The following GALNT10 variants were observed in gnomAD, a reference collection of about 807,000 sequenced individuals.
GALNT10 encodes the protein polypeptide N-acetylgalactosaminyltransferase 10.
In GALNT10, 41 loss-of-function variants were observed where a neutral mutation model predicts 75.0. The ratio of observed to expected loss-of-function variants is 0.55; its 90% CI spans 0.43 to 0.71. The LOEUF is 0.71. Among genes scored for constraint, GALNT10 ranks in the 30% least tolerant of loss-of-function variants. The pLI is 0.00. For synonymous variants in GALNT10, 302 were observed against 313.0 expected, an observed-to-expected ratio of 0.96 and a Z score of 0.37; for missense variants, 727 against 818.5, an observed-to-expected ratio of 0.89 and a Z score of 1.36.
rs1344011150 is a variant in GALNT10 at position 154,420,603 on chromosome 5, C to G, written c.*3631C>G. ...AATTCCTTATTGCTTTCAACGGACA[C>G]TCTTTGTGAAAAATCCAAGTAATAT... is the stretch of plus-strand genomic sequence containing the variant. On this transcript the variant is annotated 3_prime_UTR_variant, in exon 12 of 12. Coordinates refer to ENST00000297107, the MANE Select transcript of GALNT10 (RefSeq NM_198321.4). 1 of 152,252 alleles carries G rather than the reference C, an allele frequency of 6.6e-6. No homozygotes were observed. The highest frequency in any genetic ancestry group is 1.5e-5 in the Non-Finnish European group (1 of 68,058). The allele number at this position is 152,252 out of a possible 1,614,324, so 9.4% of individuals were successfully genotyped here.
At chr5:154,344,093 G>T (rs1370900196) in intron 4 of GALNT10, among the ~76,000 whole-genome samples, 1 of 152,024 alleles carries the variant, frequency 6.6e-6, no homozygotes, top group Admixed American at 6.6e-5. Context: ...TTCATCAGTG[G>T]GATGTGCATC....
chr5:154,347,230 G>T (rs1255380322), intron 4 of GALNT10: 3 of 473,362 alleles, frequency 6.3e-6, no homozygotes, highest in East Asian at 1.5e-4. Flanking sequence ...AGGTGAAACT[G>T]AGGATTAGGA....
At chr5:154,291,799 G>C (rs62381158) in intron 1 of GALNT10, among the ~76,000 whole-genome samples, 11,179 of 152,122 alleles carry the variant, frequency 0.073, 436 homozygotes, top group Middle Eastern at 0.1. Flanking sequence ...GAATATCCCA[G>C]CATGTTTCAA....
intron 3 of GALNT10, among the ~76,000 whole-genome samples, chr5:154,328,345 A>G (rs2113116113): frequency 1.3e-5 from 2 of 152,254 alleles, no homozygotes; most frequent in South Asian, 4.1e-4. Context: ...GCTGGTGGAG[A>G]CTAGAGCCCA....
intron 3 of GALNT10, among the ~76,000 whole-genome samples, chr5:154,320,248 T>C (rs1412614752): frequency 6.6e-6 from 1 of 152,234 alleles, no homozygotes; most frequent in African/African-American, 2.4e-5. Flanking sequence ...CTGAGCCTTT[T>C]ATTTGAGTTC....
chr5:154,414,093 C>A (rs1334113971), intron 10 of GALNT10, among the ~76,000 whole-genome samples: 1 of 151,970 alleles, frequency 6.6e-6, no homozygotes, highest in Non-Finnish European at 1.5e-5. Flanking sequence ...CAAGGAAATT[C>A]CAGCACACAC....
chr5:154,284,831 TGTG>T (rs929987998), intron 1 of GALNT10, among the ~76,000 whole-genome samples: 4 of 152,238 alleles, frequency 2.6e-5, no homozygotes, highest in African/African-American at 9.6e-5. Flanking sequence ...ATTACACTCA[TGTG>T]GTGGTTGGCA....
rs1756493313 is a variant in GALNT10 at position 154,415,824 on chromosome 5, C to T, written c.1545C>T (p.Asp515=). ...FTWREDIRPG[D]PQHTKKFCFD... ...GGAGAGAGGACATCCGGCCTGGAGA[C>T]CCCCAGCACACCAAGAAGTTCTGCT... Residue 515 remains aspartate, a synonymous_variant, in exon 11 of 12, where the codon GAC becomes GAT. Coordinates refer to ENST00000297107, the MANE Select transcript of GALNT10 (RefSeq NM_198321.4). 6.2e-7 allele frequency: 1 copy of T among 1,614,046 alleles called. No homozygotes were observed.
chr5:154,204,929 A>G (rs1775083673), intron 1 of GALNT10, among the ~76,000 whole-genome samples: 1 of 152,204 alleles, frequency 6.6e-6, no homozygotes, highest in Non-Finnish European at 1.5e-5. Flanking sequence ...GCTGTACCTT[A>G]TAGTGCTGGC....
chr5:154,195,234 A>G (rs1426925597), intron 1 of GALNT10, among the ~76,000 whole-genome samples: 10 of 152,238 alleles, frequency 6.6e-5, no homozygotes, highest in Non-Finnish European at 1.2e-4. Flanking sequence ...CCTGGCAGCT[A>G]CAAGTAAGCC....
intron 1 of GALNT10, among the ~76,000 whole-genome samples, chr5:154,254,950 A>C (rs1008711191): frequency 6.6e-6 from 1 of 152,060 alleles, no homozygotes; most frequent in Non-Finnish European, 1.5e-5. Flanking sequence ...GAGATGTAAG[A>C]TTCCTGTAGG....
intron 7 of GALNT10, among the ~76,000 whole-genome samples, chr5:154,395,191 GATATGT>G (rs2113200287): frequency 6.6e-6 from 1 of 152,354 alleles, no homozygotes; most frequent in South Asian, 2.1e-4. Flanking sequence ...TAAATGGGAT[GATATGT>G]ATATTTGGCC....
rs200648847 is a variant in GALNT10, at chr5:154,384,454, ATTAATGAGTTCT to A, written c.939-1856_939-1845del. The stretch of plus-strand genomic sequence containing the variant: ...AACATGTAACCAACACTTTAAAATT[ATTAATGAGTTCT>A]TTCATACTCTTTTCATCCTAAGTCT... On this transcript the variant is annotated intron_variant, in intron 6 of 11. Coordinates refer to ENST00000297107, the MANE Select transcript of GALNT10 (RefSeq NM_198321.4). Among the ~76,000 whole-genome samples the A allele has an allele frequency of 5.4e-3, 822 of 152,364 alleles. 8 individuals are homozygous for A. The highest frequency in any genetic ancestry group is 0.019 in the African/African-American group (784 of 41,578).
intron 4 of GALNT10, among the ~76,000 whole-genome samples, chr5:154,364,677 G>T (rs1222222308): frequency 6.6e-6 from 1 of 152,142 alleles, no homozygotes; most frequent in Non-Finnish European, 1.5e-5. Flanking sequence ...TGAAGTGGAA[G>T]GATTTTTTTT....
At chr5:154,331,708 G>A (rs536242590) in intron 4 of GALNT10, among the ~76,000 whole-genome samples, 7 of 152,178 alleles carry the variant, frequency 4.6e-5, no homozygotes, top group South Asian at 2.1e-4. Flanking sequence ...TGTACAGGAC[G>A]GATGTGTGGG....
At chr5:154,379,293 T>G (rs1450641421) in intron 5 of GALNT10, among the ~76,000 whole-genome samples, 2 of 152,250 alleles carry the variant, frequency 1.3e-5, no homozygotes, top group Non-Finnish European at 2.9e-5. Flanking sequence ...TGATATTTAG[T>G]ATTGTTTTTT....
intron 10 of GALNT10, 114 bp from the exon 11 acceptor site, chr5:154,415,669 A>T: frequency 9.9e-7 from 1 of 1,013,694 alleles, no homozygotes; most frequent in Non-Finnish European, 1.5e-6. Flanking sequence ...AGAACAGGTT[A>T]ATATATTATT....
At chr5:154,216,335 T>A (rs576082399) in intron 1 of GALNT10, among the ~76,000 whole-genome samples, 1 of 152,352 alleles carries the variant, frequency 6.6e-6, no homozygotes, top group East Asian at 1.9e-4. Flanking sequence ...TAACATCTGT[T>A]TAATTGAAGA....
At position 154,277,525 on chromosome 5, in the gene GALNT10, G is replaced by T. The variant is rs1581952100; in HGVS notation, c.160-17291G>T. Among the ~76,000 whole-genome samples, 3 of 151,962 alleles carry T rather than the reference G, an allele frequency of 2.0e-5. No homozygotes were observed. The East Asian group carries it at 5.8e-4, about 29-fold the overall frequency. ...CAAAGGGCCTGGGATGGAGGATTGAGACCACTTTCACAATCTACTATAGTA... is the reference window on the plus strand; with the variant it reads ...CAAAGGGCCTGGGATGGAGGATTGATACCACTTTCACAATCTACTATAGTA... On this transcript the variant is annotated intron_variant, in intron 1 of 11. Transcript: ENST00000297107.
Sources: allele counts gnomAD v4.1 joint callset (sites outside exome capture counted in the v4.1 genomes callset), GRCh38; gene constraint gnomAD v4.1.1; transcripts MANE v1.5; gene names NCBI Gene and HGNC (gene_info 2026-07-23, HGNC 2026-07-21).